ARAP1: variants seen among roughly 807,000 people sequenced by gnomAD.
The protein encoded by ARAP1 is arf-GAP with Rho-GAP domain, ANK repeat and PH domain-containing protein 1.
Under a neutral mutation model 172.2 loss-of-function variants are expected in ARAP1, and 76 were observed. The observed-to-expected ratio is 0.44, with a 90% CI of 0.37 to 0.53. The LOEUF is 0.53. Among genes scored for constraint, ARAP1 ranks in the 20% least tolerant of loss-of-function variants. The pLI is 0.00. For synonymous variants in ARAP1, 804 were observed against 803.3 expected (o/e 1.00, Z -0.01); for missense variants, 1,686 against 1,977.5 (o/e 0.85, Z 2.80).
In ARAP1 at chr11:72,695,874, G is replaced by GGGA; in HGVS notation, c.3273-12_3273-10dup. On this transcript the variant is annotated splice_polypyrimidine_tract_variant and intron_variant, in intron 23 of 34. Transcript: ENST00000393609. The surrounding 1 kb of genome is among the most constrained non-coding windows in gnomAD (Gnocchi z 4.4). ...CTGAGAAGCACTGAACACTGGAGAG[G>GGGA]GGAGGAGGAGGGCTTTGAGTGAGGA... 6.2e-7 allele frequency: 1 copy of GGGA among 1,606,348 alleles called. No individual in the cohort carries two copies. Among genetic ancestry groups the GGGA allele is most frequent in the Non-Finnish European group, 8.5e-7 (1 of 1,176,196 alleles).
At position 72,697,219 on chromosome 11, in the gene ARAP1, T is replaced by C. The variant is rs372874151; in HGVS notation, c.2954-24A>G. ...GCCTAGGGAGGGGCGGGGCCAAGCGTTCGGGGCCTGAGGCATAGAGTCATG... is the reference window on the plus strand; with the variant it reads ...GCCTAGGGAGGGGCGGGGCCAAGCGCTCGGGGCCTGAGGCATAGAGTCATG... On this transcript the variant is annotated intron_variant, in intron 21 of 34. Coordinates refer to ENST00000393609, the MANE Select transcript of ARAP1 (RefSeq NM_001040118.3). The C allele has an allele frequency of 1.6e-5, 25 of 1,592,620 alleles. No homozygotes were observed. The African/African-American group carries it at 2.8e-4, about 18-fold the overall frequency.
chr11:72,731,698 G>GCACA (rs1857874749), intron 2 of ARAP1, among the ~76,000 whole-genome samples: 1 of 152,144 alleles, frequency 6.6e-6, no homozygotes, highest in Non-Finnish European at 1.5e-5. Flanking sequence ...ATGACCACAT[G>GCACA]CACACACTGT....
rs1856649001 is a variant in ARAP1, at chr11:72,704,189, T to C, written c.1955A>G (p.Tyr652Cys). The C allele has an allele frequency of 6.2e-7, 1 of 1,613,918 alleles. No homozygotes were observed. Among genetic ancestry groups the C allele is most frequent in the Non-Finnish European group, 8.5e-7 (1 of 1,179,990 alleles). ...CTCCTGGTTGCCAAAGAGCGGGTGG[T>C]AGCGGCGGTACTTGCCCTCACGGTA... The part of the protein sequence containing the change: ...AKYREGKYRR[Y>C]HPLFGNQEEL... The change falls in exon 14 of 35, where the codon TAC becomes TGC. Residue 652 changes from tyrosine (Y) to cysteine (C), a missense_variant. Tyr to Cys is a radical substitution (Grantham distance 194). Transcript: ENST00000393609.
chr11:72,688,132 C>T (rs1428192392), intron 31 of ARAP1, among the ~76,000 whole-genome samples: 7 of 152,038 alleles, frequency 4.6e-5, no homozygotes, highest in African/African-American at 9.7e-5. Context: ...CTGAGTAGCG[C>T]GCCACCAAAC....
chr11:72,750,356 C>T (rs894712419), intron 1 of ARAP1, among the ~76,000 whole-genome samples: 1 of 152,108 alleles, frequency 6.6e-6, no homozygotes, highest in East Asian at 1.9e-4. Flanking sequence ...TGGGCAGTGG[C>T]GGGTGGCTTT....
intron 4 of ARAP1, 150 bp from the exon 5 acceptor site, chr11:72,713,393 G>A (rs1312019899): frequency 2.9e-6 from 2 of 685,640 alleles, no homozygotes; most frequent in African/African-American, 1.8e-5. Context: ...GGGACAGGAA[G>A]TGCGATTTAT....
At chr11:72,711,995 G>A (rs182425026) in intron 7 of ARAP1, among the ~76,000 whole-genome samples, 1 of 152,208 alleles carries the variant, frequency 6.6e-6, no homozygotes, top group East Asian at 1.9e-4. Context: ...TATGCCCAGC[G>A]ATCTCCCAAT....
chr11:72,689,315 C>G (rs1199906125), intron 30 of ARAP1, among the ~76,000 whole-genome samples: 1 of 152,206 alleles, frequency 6.6e-6, no homozygotes, highest in Admixed American at 6.5e-5. Flanking sequence ...AAGGAAGAGG[C>G]TGGTTGGAGG....
rs773318834 is a variant in ARAP1 at position 72,726,770 on chromosome 11, C to T, written c.359G>A (p.Arg120Gln). ...GCAGGTGGGCGGAAGGCAGCTCCTC[C>T]GGGGCGGGATGGGTGGGGCAGCGGG... Reference protein sequence around the residue: ...GLPAAPPIPPRRSCLPPTCFT... With the variant: ...GLPAAPPIPPQRSCLPPTCFT... Residue 120 changes from arginine to glutamine, a missense_variant, in exon 3 of 35, where the codon CGG becomes CAG. Physicochemically the swap from Arg to Gln is conservative, Grantham distance 43. Transcript: ENST00000393609. The surrounding 1 kb of genome is among the most constrained non-coding windows in gnomAD (Gnocchi z 6.5). The T allele has an allele frequency of 4.3e-4, 146 of 340,032 alleles. No individual in the cohort carries two copies. Among genetic ancestry groups the T allele is most frequent in the Non-Finnish European group, 8.6e-4 (142 of 164,496 alleles). 21.1% of individuals were successfully genotyped at this position (340,032 alleles called of 1,614,324 possible). A position where few individuals can be genotyped will look rare whatever the true frequency, so the allele number is the denominator to read the frequency against.
At chr11:72,737,662 A>T (rs1185117162) in intron 1 of ARAP1, among the ~76,000 whole-genome samples, 2 of 149,612 alleles carry the variant, frequency 1.3e-5, no homozygotes, top group African/African-American at 5.0e-5. Context: ...TCACTCTGTC[A>T]CCCAGGCTGG....
chr11:72,712,512 G>T lies in ARAP1; in HGVS notation c.804C>A (p.Ser268Arg). The change falls in exon 6 of 35, where the codon AGC becomes AGA. Residue 268 changes from serine to arginine, a missense_variant. Around this residue, in one of 5 missense-constraint regions of ARAP1, gnomAD observed 688 missense variants for 856.9 expected, o/e 0.80. Coordinates refer to ENST00000393609, the MANE Select transcript of ARAP1 (RefSeq NM_001040118.3). ...PRAVRVASLL[S>R]EGEELSGDDQ... Reference sequence around the variant, plus strand: ...CGTCCCCAGACAGTTCCTCTCCCTCGCTCAGCAGACTGGCCACGCGCACGG... The same window carrying T: ...CGTCCCCAGACAGTTCCTCTCCCTCTCTCAGCAGACTGGCCACGCGCACGG... 1 of 1,613,328 alleles carries T rather than the reference G, an allele frequency of 6.2e-7. No individual in the cohort carries two copies. Among genetic ancestry groups the T allele is most frequent in the Non-Finnish European group, 8.5e-7 (1 of 1,179,698 alleles).
At chr11:72,733,813 T>A (rs539448216) in intron 1 of ARAP1, among the ~76,000 whole-genome samples, 13 of 152,236 alleles carry the variant, frequency 8.5e-5, no homozygotes, top group Admixed American at 4.6e-4. Context: ...ATACATTTTT[T>A]AAATATTTTA....
Position 72,726,610 on chromosome 11 carries a change from A to G in ARAP1, c.509+10T>C. The G allele has an allele frequency of 6.7e-7, 1 of 1,489,760 alleles. No individual in the cohort carries two copies. The highest frequency in any genetic ancestry group is 8.9e-7 in the Non-Finnish European group (1 of 1,118,206). The allele number at this position is 1,489,760 out of a possible 1,614,324, so 92.3% of individuals were successfully genotyped here. ...CTGTGCGCCTCCCACCCTGGGTGGCATCCACTCACCTCACCAGCAGGCGGG... is the reference window on the plus strand; with the variant it reads ...CTGTGCGCCTCCCACCCTGGGTGGCGTCCACTCACCTCACCAGCAGGCGGG... On this transcript the variant is annotated intron_variant, in intron 3 of 34. Coordinates refer to ENST00000393609, the MANE Select transcript of ARAP1 (RefSeq NM_001040118.3). This position sits in a 1 kb window ranked among gnomAD's most constrained non-coding sequence, Gnocchi z 6.5.
At chr11:72,746,985 G>T (rs1273431232) in intron 1 of ARAP1, among the ~76,000 whole-genome samples, 1 of 152,186 alleles carries the variant, frequency 6.6e-6, no homozygotes, top group Non-Finnish European at 1.5e-5. Context: ...AGGAAAGCTG[G>T]CAGGGGAGAC....
intron 11 of ARAP1, 169 bp downstream of exon 11, chr11:72,709,701 G>C: frequency 1.4e-6 from 1 of 697,944 alleles, no homozygotes; most frequent in Admixed American, 2.1e-5. Context: ...AGGAGGGAAG[G>C]AGATCAGAGA....
At chr11:72,719,068 G>A (rs573621812) in intron 3 of ARAP1, among the ~76,000 whole-genome samples, 1 of 152,292 alleles carries the variant, frequency 6.6e-6, no homozygotes, top group African/African-American at 2.4e-5. Context: ...GAGGCACAGG[G>A]ATGTTGGATT....
In ARAP1 at chr11:72,695,485, C is replaced by T; in HGVS notation, c.3508-30G>A. Reference sequence around the variant, plus strand: ...AGGGAGACAGGGCTCAGCTGGGGGCCTAGGAAATGGGTGCAGGTGGCAGGT... The same window carrying T: ...AGGGAGACAGGGCTCAGCTGGGGGCTTAGGAAATGGGTGCAGGTGGCAGGT... On this transcript the variant is annotated intron_variant, in intron 25 of 34. Coordinates refer to ENST00000393609, the MANE Select transcript of ARAP1 (RefSeq NM_001040118.3). This position sits in a 1 kb window ranked among gnomAD's most constrained non-coding sequence, Gnocchi z 4.4. 2 of 1,614,214 alleles carry T rather than the reference C, an allele frequency of 1.2e-6. No homozygotes were observed. Among genetic ancestry groups the T allele is most frequent in the Middle Eastern group, 3.3e-4 (2 of 6,062 alleles).
In ARAP1 at chr11:72,696,624, C is replaced by G. The variant is rs1171373663; in HGVS notation, c.3197G>C (p.Arg1066Thr). 6.2e-7 allele frequency: 1 copy of G among 1,605,722 alleles called. No individual in the cohort carries two copies. The highest frequency in any genetic ancestry group is 8.5e-7 in the Non-Finnish European group (1 of 1,174,824). ...CAGCCGCACCAGCAGCTCTCGGTAC[C>G]TGGAGACCTTCTCCTCCTCGTCCTC... ...EIEDEEEKVS[R>T]YRELLVRLPP... The change falls in exon 23 of 35, where the codon AGG becomes ACG. Residue 1066 changes from arginine to threonine, a missense_variant. Transcript: ENST00000393609.
chr11:72,696,587 G>A lies in ARAP1; in HGVS notation c.3234C>T (p.Asn1078=), dbSNP rs745829553. The change falls in exon 23 of 35, where the codon AAC becomes AAT. Residue 1078 remains asparagine, a synonymous_variant. Coordinates refer to ENST00000393609, the MANE Select transcript of ARAP1 (RefSeq NM_001040118.3). ...TGATAAGGGCCTTCACTGTGGCCCG[G>A]TTGACAGGGGGCAGCCGCACCAGCA... The part of the protein sequence containing the change: ...RELLVRLPPV[N]RATVKALISH... 18 of 1,603,424 alleles carry A rather than the reference G, an allele frequency of 1.1e-5. No homozygotes were observed. Among genetic ancestry groups the A allele is most frequent in the Admixed American group, 1.7e-5 (1 of 58,830 alleles).
Sources: allele counts gnomAD v4.1 joint callset (sites outside exome capture counted in the v4.1 genomes callset), GRCh38; gene constraint gnomAD v4.1.1; regional missense constraint gnomAD v4.1.1; non-coding constraint Gnocchi (gnomAD v3.1); transcripts MANE v1.5; gene names NCBI Gene and HGNC (gene_info 2026-07-23, HGNC 2026-07-21).